C3orf22: variants seen among roughly 807,000 people sequenced by gnomAD.
C3orf22 encodes the protein uncharacterized protein C3orf22.
Under a neutral mutation model 10.8 loss-of-function variants are expected in C3orf22, and 7 were observed. That is an observed-to-expected ratio of 0.65 (90% confidence interval 0.37 to 1.22). C3orf22 has a LOEUF of 1.22. C3orf22 is among the 50% of genes most tolerant of loss of function. The pLI is 0.02. For missense variants in C3orf22, 173 were observed against 177.0 expected, an observed-to-expected ratio of 0.98 and a Z score of 0.13; for synonymous variants, 79 against 78.9, an observed-to-expected ratio of 1.00 and a Z score of 0.00.
At chr3:126,548,140 G>A (rs1217729131), downstream of C3orf22, among the ~76,000 whole-genome samples, 6 of 152,168 alleles carry the variant, frequency 3.9e-5, no homozygotes, top group Non-Finnish European at 7.3e-5. Context: ...CATCACAGGC[G>A]TATGCCACCA....
chr3:126,541,344 G>C (rs1158133530), intron 4 of C3orf22, among the ~76,000 whole-genome samples: 1 of 152,198 alleles, frequency 6.6e-6, no homozygotes, highest in Middle Eastern at 3.2e-3. Flanking sequence ...TTTCAATTGG[G>C]TGTGGAATTA....
chr3:126,555,061 C>T (rs1242696964), intron 1 of C3orf22, among the ~76,000 whole-genome samples: 1 of 152,250 alleles, frequency 6.6e-6, no homozygotes, highest in African/African-American at 2.4e-5. Context: ...CGGCTAGCTG[C>T]TCATGGCTAG....
intron 4 of C3orf22, chr3:126,541,911 G>A (rs951281206): frequency 2.8e-5 from 44 of 1,599,712 alleles, no homozygotes; most frequent in East Asian, 2.3e-4. Context: ...TGCACCAACT[G>A]GAAGCGCGTG....
chr3:126,542,252 G>T lies in C3orf22; in HGVS notation c.286+7285C>A, dbSNP rs1216771859. ...CGCGGAGTTCCTGGCCTACCTGCTG[G>T]ACCCGCGCACGCGGCGTGAGGAGCC... On this transcript the variant is annotated intron_variant and NMD_transcript_variant, in intron 4 of 5. Coordinates refer to the C3orf22 transcript ENST00000505070. 1.9e-6 allele frequency: 3 copies of T among 1,541,982 alleles called. 1 individual carries two copies. In the Admixed American group the frequency reaches 5.6e-5, roughly 29 times the overall value.
chr3:126,551,937 A>G, intron 3 of C3orf22, 60 bp downstream of exon 3: 2 of 1,534,618 alleles, frequency 1.3e-6, no homozygotes. Context: ...ACTGGGGGAC[A>G]GAAAGCCAGG....
At chr3:126,549,602 C>T (rs921333592), downstream of C3orf22, 4 of 1,369,774 alleles carry the variant, frequency 2.9e-6, no homozygotes, top group African/African-American at 5.8e-5. Context: ...AATCCTCACA[C>T]CAACCCTGCA....
intron 4 of C3orf22, among the ~76,000 whole-genome samples, chr3:126,530,887 G>A (rs774368437): frequency 5.3e-5 from 8 of 152,236 alleles, no homozygotes; most frequent in Non-Finnish European, 7.3e-5. Flanking sequence ...ACTGGAGTCT[G>A]GCCCTTGTTC....
At chr3:126,538,239 G>C (rs1936840132) in intron 4 of C3orf22, among the ~76,000 whole-genome samples, 1 of 152,246 alleles carries the variant, frequency 6.6e-6, no homozygotes, top group African/African-American at 2.4e-5. Context: ...GCAGCAGCCA[G>C]CTGCCCACCA....
At chr3:126,535,371 C>T (rs1004586756) in intron 4 of C3orf22, among the ~76,000 whole-genome samples, 14 of 149,980 alleles carry the variant, frequency 9.3e-5, no homozygotes, top group Non-Finnish European at 1.9e-4. Flanking sequence ...CAGACAGCAT[C>T]GCTGTCCCCA....
intron 4 of C3orf22, chr3:126,542,068 C>T (rs1457529186): frequency 1.9e-6 from 3 of 1,582,224 alleles, no homozygotes; most frequent in Non-Finnish European, 2.6e-6. Flanking sequence ...CCTTCCTGTT[C>T]GTGCGGGAGC....
chr3:126,550,112 C>T lies in C3orf22; in HGVS notation c.216-34G>A, dbSNP rs186693615. 490 of 1,609,566 alleles carry T rather than the reference C, an allele frequency of 3.0e-4. 1 individual carries two copies. The African/African-American group carries it at 6.0e-3, about 20-fold the overall frequency. On this transcript the variant is annotated intron_variant, in intron 3 of 3. Transcript: ENST00000318225. ...GCCACACAGAGCCACGCCTGGCCTT[C>T]AGGACCCCTGCTGGCTGCAGCCATT... is the stretch of plus-strand genomic sequence containing the variant.
At chr3:126,546,404 C>G (rs536353769), downstream of C3orf22, among the ~76,000 whole-genome samples, 2 of 152,328 alleles carry the variant, frequency 1.3e-5, no homozygotes, top group East Asian at 3.9e-4. Context: ...TATGTTCTCC[C>G]CAGTCTTATG....
At chr3:126,530,390 C>T (rs1936630952) in intron 4 of C3orf22, among the ~76,000 whole-genome samples, 1 of 152,238 alleles carries the variant, frequency 6.6e-6, no homozygotes, top group Admixed American at 6.5e-5. Flanking sequence ...TTCCGGAAGG[C>T]TGGGAGCCTC....
At chr3:126,542,229 C>T in intron 4 of C3orf22, 2 of 1,506,946 alleles carry the variant, frequency 1.3e-6, no homozygotes, top group African/African-American at 1.4e-5. Flanking sequence ...GTGCGCTTCG[C>T]GGAGTTCCTG....
intron 4 of C3orf22, among the ~76,000 whole-genome samples, chr3:126,534,848 G>A (rs909469632): frequency 2.7e-5 from 4 of 149,548 alleles, no homozygotes; most frequent in Non-Finnish European, 5.9e-5. Context: ...GAGCATCCCT[G>A]TCCTCAGCTG....
At chr3:126,527,916 T>A (rs1055820586) in intron 5 of C3orf22, 1 of 152,078 alleles carries the variant, frequency 6.6e-6, no homozygotes, top group East Asian at 1.9e-4. Context: ...GGAAGTTACT[T>A]GCTCAAGTCA....
intron 4 of C3orf22, among the ~76,000 whole-genome samples, chr3:126,538,916 G>T (rs952898331): frequency 1.3e-5 from 2 of 152,102 alleles, no homozygotes; most frequent in Non-Finnish European, 2.9e-5. Context: ...CACTACAGAA[G>T]GGTAGACACA....
At chr3:126,545,049 G>A (rs1048199693), downstream of C3orf22, among the ~76,000 whole-genome samples, 1 of 152,220 alleles carries the variant, frequency 6.6e-6, no homozygotes, top group Non-Finnish European at 1.5e-5. Context: ...CAGATCACAG[G>A]CTGACCACCC....
chr3:126,542,038 G>A (rs568699770), intron 4 of C3orf22: 6 of 1,573,166 alleles, frequency 3.8e-6, no homozygotes, highest in Non-Finnish European at 5.2e-6. Flanking sequence ...AGATCAACCG[G>A]CGCCTGCGCG....
Sources: allele counts gnomAD v4.1 joint callset (sites outside exome capture counted in the v4.1 genomes callset), GRCh38; gene constraint gnomAD v4.1.1; transcripts MANE v1.5; gene names NCBI Gene and HGNC (gene_info 2026-07-23, HGNC 2026-07-21).